The following HMGN1 variants were observed in gnomAD, a reference collection of about 807,000 sequenced individuals.
HMGN1 encodes non-histone chromosomal protein HMG-14.
Under a neutral mutation model 18.4 loss-of-function variants are expected in HMGN1, and 9 were observed. That is an observed-to-expected ratio of 0.49 (90% CI 0.29 to 0.85). The LOEUF is 0.85. Among genes scored for constraint, HMGN1 ranks in the 40% least tolerant of loss-of-function variants. The pLI is 0.07. For missense variants in HMGN1, 151 were observed against 119.2 expected, an observed-to-expected ratio of 1.27 and a Z score of -1.24; for synonymous variants, 59 against 45.0, an observed-to-expected ratio of 1.31 and a Z score of -1.24.
rs757204590 is a variant in HMGN1 at position 39,345,199 on chromosome 21, G to C, written c.202C>G (p.Gln68Glu). The change falls in exon 5 of 6, where the codon CAA becomes GAA. Residue 68 changes from glutamine to glutamate, a missense_variant. By Grantham distance (29) the Gln-to-Glu change is conservative. Transcript: ENST00000380749. ...GCAGGTAAGTCTTCTTTAGTTTCTT[G>C]GTTAGCCACTTCGGCCTGTTTTCCC... Reference protein sequence around the residue: ...AKGKQAEVANQETKEDLPAEN... With the variant: ...AKGKQAEVANEETKEDLPAEN... 6 of 1,612,796 alleles carry C rather than the reference G, an allele frequency of 3.7e-6. No individual in the cohort carries two copies. In the African/African-American group the frequency reaches 6.7e-5, roughly 18 times the overall value.
chr21:39,348,013 T>A (rs2037119664), intron 4 of HMGN1: 2 of 1,180,406 alleles, frequency 1.7e-6, no homozygotes, highest in Middle Eastern at 3.0e-4. Context: ...AGCCACAATG[T>A]ACGCAACGCA....
intron 4 of HMGN1, chr21:39,347,778 A>G (rs1388742296): frequency 1.6e-5 from 5 of 304,120 alleles, no homozygotes; most frequent in Admixed American, 5.1e-5. Flanking sequence ...ACGGTTTTGT[A>G]TAACTGCTGA....
At chr21:39,348,108 T>C (rs1290988229) in intron 4 of HMGN1, 184 bp downstream of exon 4, 1 of 893,950 alleles carries the variant, frequency 1.1e-6, no homozygotes, top group Non-Finnish European at 1.7e-6. Context: ...ATTAGTGTGA[T>C]ATAGTTCTAT....
chr21:39,347,938 G>A (rs2146859809), intron 4 of HMGN1: 1 of 1,063,326 alleles, frequency 9.4e-7, no homozygotes. Flanking sequence ...TCCTGGCCTC[G>A]GTGCTATCTT....
At chr21:39,343,284 G>A in intron 5 of HMGN1, 125 bp from the exon 6 acceptor site, 1 of 932,756 alleles carries the variant, frequency 1.1e-6, no homozygotes, top group South Asian at 1.7e-5. Flanking sequence ...ACCTACTCTT[G>A]TTAAAAAACT....
At chr21:39,344,045 AGGAGTTTGAAACC>A (rs754859217) in intron 5 of HMGN1, among the ~76,000 whole-genome samples, 78 of 152,322 alleles carry the variant, frequency 5.1e-4, no homozygotes, top group East Asian at 1.5e-3. Context: ...ACCTGAGGTC[AGGAGTTTGAAACC>A]AGCCTGGCTA....
chr21:39,343,810 G>A (rs1481870986), intron 5 of HMGN1, among the ~76,000 whole-genome samples: 2 of 152,162 alleles, frequency 1.3e-5, no homozygotes, highest in Admixed American at 6.5e-5. Flanking sequence ...CATACTTGTG[G>A]CAGCCTTATA....
intron 1 of HMGN1, 117 bp downstream of exon 1, chr21:39,348,786 C>A: frequency 9.2e-7 from 1 of 1,083,696 alleles, no homozygotes; most frequent in Non-Finnish European, 1.2e-6. Context: ...CGCCGGTCTC[C>A]AAGCGCCTCC....
Position 39,343,007 on chromosome 21 carries a change from A to G in HMGN1, c.*105T>C. 1 of 1,212,792 alleles carries G rather than the reference A, an allele frequency of 8.2e-7. No individual in the cohort carries two copies. The highest frequency in any genetic ancestry group is 1.2e-6 in the Non-Finnish European group (1 of 834,346). 75.1% of individuals were successfully genotyped at this position (1,212,792 alleles called of 1,614,324 possible). On this transcript the variant is annotated 3_prime_UTR_variant, in exon 6 of 6. Coordinates refer to ENST00000380749, the MANE Select transcript of HMGN1 (RefSeq NM_004965.7). ...TTCCCTCCTTCTTAAAAATGTTTCT[A>G]GAGCTACTAAAAAACTTGCATTTAC...
chr21:39,343,638 G>A (rs1467999681), intron 5 of HMGN1, among the ~76,000 whole-genome samples: 6 of 152,202 alleles, frequency 3.9e-5, no homozygotes, highest in Non-Finnish European at 5.9e-5. Flanking sequence ...ACAAATTACA[G>A]TGCTACTGGG....
chr21:39,345,624 A>G (rs2037023766), intron 4 of HMGN1: 5 of 390,604 alleles, frequency 1.3e-5, no homozygotes, highest in African/African-American at 4.2e-5. Flanking sequence ...CTCATTAGAC[A>G]TATGACAAAT....
chr21:39,349,010 C>A lies in HMGN1; in HGVS notation c.-93G>T. 8.4e-7 allele frequency: 1 copy of A among 1,190,672 alleles called. No individual in the cohort carries two copies. The highest frequency in any genetic ancestry group is 1.0e-6 in the Non-Finnish European group (1 of 961,960). The allele number at this position is 1,190,672 out of a possible 1,614,324, so 73.8% of individuals were successfully genotyped here. A position where few individuals can be genotyped will look rare whatever the true frequency, so the allele number is the denominator to read the frequency against. ...CGGCGCGCCGACAGCCTTCGCGAAA[C>A]TGGGCTGCCTTGCCGCTGCCACTCC... On this transcript the variant is annotated 5_prime_UTR_variant, in exon 1 of 6. Transcript: ENST00000380749.
At chr21:39,344,833 G>A (rs1196771432) in intron 5 of HMGN1, among the ~76,000 whole-genome samples, 1 of 152,086 alleles carries the variant, frequency 6.6e-6, no homozygotes, top group Non-Finnish European at 1.5e-5. Context: ...AAAAATGCAA[G>A]TAAGGGGAAT....
In HMGN1 at chr21:39,345,465, T is replaced by C. The variant is rs1297516424; in HGVS notation, c.127-191A>G. 6 of 610,892 alleles carry C rather than the reference T, an allele frequency of 9.8e-6. No individual in the cohort carries two copies. In the East Asian group the frequency reaches 1.4e-4, roughly 14 times the overall value. 37.8% of individuals were successfully genotyped at this position (610,892 alleles called of 1,614,324 possible). On this transcript the variant is annotated intron_variant, in intron 4 of 5. Transcript: ENST00000380749. ...TCAAGCTTATGAAAGGATCTCATTT[T>C]GTATAGACTGTATCCATAACAGCTG...
rs1022014177 is a variant in HMGN1 at position 39,345,410 on chromosome 21, A to G, written c.127-136T>C. The G allele has an allele frequency of 4.8e-5, 37 of 763,676 alleles. No individual in the cohort carries two copies. The African/African-American group carries it at 5.9e-4, about 12-fold the overall frequency. 47.3% of individuals were successfully genotyped at this position (763,676 alleles called of 1,614,324 possible). ...TCATAGTAAGGTTTGAGAGAGGGAC[A>G]TCTCACACATGAGCGTGAAACCCCA... is the stretch of plus-strand genomic sequence containing the variant. On this transcript the variant is annotated intron_variant, in intron 4 of 5. Transcript: ENST00000380749.
chr21:39,346,442 C>G (rs1338907597), intron 4 of HMGN1: 3 of 154,174 alleles, frequency 1.9e-5, no homozygotes, highest in African/African-American at 7.2e-5. Flanking sequence ...CTAAAGATTT[C>G]TCATTAATTT....
rs184669262 is a variant in HMGN1 at position 39,348,208 on chromosome 21, T to C, written c.126+84A>G. On this transcript the variant is annotated intron_variant, in intron 4 of 5. Transcript: ENST00000380749. ...TATTAAAGTATAAATAAAGCTCCAATAGCTAATCAAAATGGAAGCCCCGCA... is the reference window on the plus strand; with the variant it reads ...TATTAAAGTATAAATAAAGCTCCAACAGCTAATCAAAATGGAAGCCCCGCA... 3.4e-3 allele frequency: 5,109 copies of C among 1,517,248 alleles called. 36 individuals are homozygous for C. Among genetic ancestry groups the C allele is most frequent in the South Asian group, 0.016 (1,453 of 88,842 alleles). 94.0% of individuals were successfully genotyped at this position (1,517,248 alleles called of 1,614,324 possible).
intron 4 of HMGN1, chr21:39,346,227 T>C: frequency 5.9e-6 from 2 of 340,306 alleles, no homozygotes; most frequent in South Asian, 4.7e-5. Flanking sequence ...ACAACTTCAA[T>C]GCTAACACGG....
intron 4 of HMGN1, chr21:39,347,515 A>C (rs1045347441): frequency 2.8e-6 from 3 of 1,065,108 alleles, no homozygotes; most frequent in Non-Finnish European, 3.9e-6. Context: ...CATTAACAAA[A>C]ATTTTTTTTG....
Sources: gnomAD v4.1 joint callset for allele counts (sites outside exome capture counted in the v4.1 genomes callset) on GRCh38, gnomAD v4.1.1 for gene constraint, MANE v1.5 for transcripts, NCBI Gene and HGNC (gene_info 2026-07-23, HGNC 2026-07-21) for gene names.